Variants in AK9 observed in about 807,000 individuals in gnomAD.
AK9 encodes the protein adenylate kinase domain containing 1.
In AK9, 191 loss-of-function variants were observed where a neutral mutation model predicts 239.6. That is an observed-to-expected ratio of 0.80 (90% CI 0.71 to 0.90). AK9 has a LOEUF of 0.90. Among genes scored for constraint, AK9 ranks in the 40% least tolerant of loss-of-function variants. AK9 has a pLI of 0.00. For missense variants in AK9, 1,995 were observed against 2,214.7 expected (o/e 0.90, Z 1.99); for synonymous variants, 689 against 721.0 (o/e 0.96, Z 0.71).
intron 17 of AK9, among the ~76,000 whole-genome samples, chr6:109,609,145 T>C (rs1220022953): frequency 6.6e-6 from 1 of 152,174 alleles, no homozygotes; most frequent in Non-Finnish European, 1.5e-5. Flanking sequence ...ATCAGAAGTG[T>C]AGGATTCCTT....
rs566641586 is a variant in AK9 at position 109,585,220 on chromosome 6, T to C, written c.2017A>G (p.Arg673Gly). The change falls in exon 19 of 41, where the codon AGA becomes GGA. Residue 673 changes from arginine (R) to glycine (G), a missense_variant. Transcript: ENST00000424296. The stretch of plus-strand genomic sequence containing the variant: ...TCAGATTTCTTCTGTAAATATATTC[T>C]ATTAAATAAACATTTTCCTGAAATA... ...TENNGKCLFN[R>G]IYLQKKSEID... 4.8e-5 allele frequency: 44 copies of C among 910,808 alleles called. No homozygotes were observed. Among genetic ancestry groups the C allele is most frequent in the Non-Finnish European group, 5.9e-5 (41 of 690,086 alleles). 56.4% of individuals were successfully genotyped at this position (910,808 alleles called of 1,614,324 possible).
At chr6:109,623,116 T>TA (rs1795075579) in intron 12 of AK9, among the ~76,000 whole-genome samples, 1 of 152,220 alleles carries the variant, frequency 6.6e-6, no homozygotes, top group African/African-American at 2.4e-5. Flanking sequence ...CTGTTTGATT[T>TA]TTTTTTCCTA....
At chr6:109,680,445 T>G (rs923545271) in intron 1 of AK9, among the ~76,000 whole-genome samples, 1 of 152,000 alleles carries the variant, frequency 6.6e-6, no homozygotes, top group African/African-American at 2.4e-5. Flanking sequence ...CCAAGAAATA[T>G]GGGACTATGT....
At chr6:109,623,150 T>C (rs960991179) in intron 12 of AK9, among the ~76,000 whole-genome samples, 2 of 152,154 alleles carry the variant, frequency 1.3e-5, no homozygotes, top group Admixed American at 6.5e-5. Flanking sequence ...TGCATATTGA[T>C]TTGTCTTTTT....
rs757494339 is a variant in AK9, at chr6:109,506,554, G to C, written c.4629-7C>G. 1.3e-6 allele frequency: 2 copies of C among 1,565,928 alleles called. No homozygotes were observed. The highest frequency in any genetic ancestry group is 1.7e-6 in the Non-Finnish European group (2 of 1,151,718). On this transcript the variant is annotated splice_polypyrimidine_tract_variant and splice_region_variant and intron_variant, in intron 34 of 40. Transcript: ENST00000424296. Reference sequence around the variant, plus strand: ...GTGCAATGGATAAGGCAATCTAATAGGGAAACAGAGAAGGAATGGAAAAAG... The same window carrying C: ...GTGCAATGGATAAGGCAATCTAATACGGAAACAGAGAAGGAATGGAAAAAG...
At chr6:109,627,525 G>A (rs1046154120) in intron 12 of AK9, among the ~76,000 whole-genome samples, 5 of 152,152 alleles carry the variant, frequency 3.3e-5, no homozygotes, top group Non-Finnish European at 7.4e-5. Flanking sequence ...AAACACATAA[G>A]TAACTTGTGC....
intron 1 of AK9, among the ~76,000 whole-genome samples, chr6:109,688,575 A>C (rs1346934013): frequency 6.6e-6 from 1 of 152,246 alleles, no homozygotes; most frequent in Non-Finnish European, 1.5e-5. Flanking sequence ...GAGACAATGT[A>C]CTTCAAGATG....
At chr6:109,600,729 G>A (rs990784236) in intron 17 of AK9, among the ~76,000 whole-genome samples, 7 of 152,150 alleles carry the variant, frequency 4.6e-5, no homozygotes, top group Admixed American at 4.6e-4. Flanking sequence ...TAGTTGGTAA[G>A]CTATTAATTA....
At chr6:109,542,650 A>G (rs1325547441) in intron 26 of AK9, among the ~76,000 whole-genome samples, 1 of 152,200 alleles carries the variant, frequency 6.6e-6, no homozygotes, top group Non-Finnish European at 1.5e-5. Flanking sequence ...GGTATTACGT[A>G]GCTGATTAGA....
rs9487174 is a variant in AK9 at position 109,627,777 on chromosome 6, C to T, written c.1254+5146G>A. On this transcript the variant is annotated intron_variant, in intron 12 of 40. Coordinates refer to ENST00000424296, the MANE Select transcript of AK9 (RefSeq NM_001145128.3). Reference sequence around the variant, plus strand: ...TTCAAACAATTCTGCCTCAGTCTCCCGAATAGCTGGGATTACACATGTGCA... The same window carrying T: ...TTCAAACAATTCTGCCTCAGTCTCCTGAATAGCTGGGATTACACATGTGCA... Among the ~76,000 whole-genome samples the T allele has an allele frequency of 5.6e-3, 854 of 152,086 alleles. 9 individuals are homozygous for T. Among genetic ancestry groups the T allele is most frequent in the African/African-American group, 0.02 (824 of 41,492 alleles).
At chr6:109,558,574 A>C (rs1785306260) in intron 24 of AK9, among the ~76,000 whole-genome samples, 1 of 152,152 alleles carries the variant, frequency 6.6e-6, no homozygotes, top group Non-Finnish European at 1.5e-5. Context: ...CTTGTGTTCT[A>C]TTAATCTGTT....
chr6:109,601,985 G>T (rs529384772), intron 17 of AK9, among the ~76,000 whole-genome samples: 2 of 152,066 alleles, frequency 1.3e-5, no homozygotes, highest in Admixed American at 6.6e-5. Flanking sequence ...ACGTGAGATG[G>T]GTCTCCTGAA....
chr6:109,585,457 G>A (rs1476325101), intron 18 of AK9, among the ~76,000 whole-genome samples: 3 of 151,998 alleles, frequency 2.0e-5, no homozygotes, highest in Admixed American at 6.6e-5. Context: ...AGTAAAACAT[G>A]AAAAGAGGTA....
At chr6:109,603,680 C>G (rs536034466) in intron 17 of AK9, among the ~76,000 whole-genome samples, 1 of 152,320 alleles carries the variant, frequency 6.6e-6, no homozygotes, top group East Asian at 1.9e-4. Flanking sequence ...GTGGAGTCTA[C>G]AGAGGCAGGC....
At chr6:109,540,728 T>C (rs867215874) in intron 27 of AK9, among the ~76,000 whole-genome samples, 6 of 152,328 alleles carry the variant, frequency 3.9e-5, no homozygotes, top group African/African-American at 1.4e-4. Flanking sequence ...GCTATTTCCA[T>C]GTTTTTTTCT....
At chr6:109,647,861 T>C (rs536603074) in intron 8 of AK9, among the ~76,000 whole-genome samples, 71 of 152,252 alleles carry the variant, frequency 4.7e-4, no homozygotes, top group Middle Eastern at 3.4e-3. Context: ...TCAGCAAATG[T>C]AAAAGAACAG....
At chr6:109,639,121 T>G (rs1230336865) in intron 10 of AK9, among the ~76,000 whole-genome samples, 1 of 152,246 alleles carries the variant, frequency 6.6e-6, no homozygotes, top group African/African-American at 2.4e-5. Flanking sequence ...TAGGCGTGCA[T>G]GTGTCCTTAT....
chr6:109,653,466 T>C (rs568956359), intron 8 of AK9, among the ~76,000 whole-genome samples: 18 of 152,328 alleles, frequency 1.2e-4, no homozygotes, highest in African/African-American at 4.1e-4. Flanking sequence ...TGCCTTATCA[T>C]AGCCTCTACG....
intron 17 of AK9, among the ~76,000 whole-genome samples, chr6:109,603,893 G>C (rs1792459839): frequency 6.6e-6 from 1 of 152,180 alleles, no homozygotes; most frequent in Non-Finnish European, 1.5e-5. Flanking sequence ...ATAATTTCCT[G>C]GTGTGCCATT....
Sources: gnomAD v4.1 joint callset for allele counts (sites outside exome capture counted in the v4.1 genomes callset) on GRCh38, gnomAD v4.1.1 for gene constraint, MANE v1.5 for transcripts, NCBI Gene and HGNC (gene_info 2026-07-23, HGNC 2026-07-21) for gene names.